The following CCSER1 variants were observed in gnomAD, a reference collection of about 807,000 sequenced individuals.
The protein encoded by CCSER1 is serine-rich coiled-coil domain-containing protein 1.
A neutral mutation model predicts 82.0 loss-of-function variants in CCSER1; 41 were observed. The ratio of observed to expected loss-of-function variants is 0.50; its 90% CI spans 0.39 to 0.65. CCSER1 has a LOEUF of 0.65. CCSER1 is among the 30% of genes least tolerant of loss of function. The probability of loss-of-function intolerance (pLI) is 0.00; values close to 1 mark genes in which losing one functional copy is unlikely to be tolerated. For missense variants in CCSER1, 1,119 were observed against 1,064.2 expected (o/e 1.05, Z -0.72); for synonymous variants, 414 against 383.9 (o/e 1.08, Z -0.92).
chr4:90,537,896 A>G (rs1230077661), intron 5 of CCSER1, among the ~76,000 whole-genome samples: 2 of 152,072 alleles, frequency 1.3e-5, no homozygotes, highest in African/African-American at 4.8e-5. Flanking sequence ...TCTCTTCTTT[A>G]TCATCCAGTA....
intron 10 of CCSER1, 100 bp downstream of exon 10, chr4:91,086,094 G>A (rs896479713): frequency 2.7e-6 from 2 of 735,918 alleles, no homozygotes; most frequent in African/African-American, 3.6e-5. Context: ...CGTTGATAAT[G>A]GAAATGGAGA....
At chr4:90,321,898 T>G (rs923240721) in intron 3 of CCSER1, among the ~76,000 whole-genome samples, 3 of 152,144 alleles carry the variant, frequency 2.0e-5, no homozygotes, top group Non-Finnish European at 4.4e-5. Context: ...TATTAATACC[T>G]TGTCAGATGG....
intron 6 of CCSER1, among the ~76,000 whole-genome samples, chr4:90,674,286 A>T (rs1478947426): frequency 6.6e-6 from 1 of 151,900 alleles, no homozygotes; most frequent in Non-Finnish European, 1.5e-5. Flanking sequence ...CAGAGGAATC[A>T]TTTACTCTTA....
chr4:90,894,849 A>G (rs1723477162), intron 8 of CCSER1, among the ~76,000 whole-genome samples: 1 of 151,968 alleles, frequency 6.6e-6, no homozygotes, highest in Non-Finnish European at 1.5e-5. Context: ...CAGTGCTCGG[A>G]ATTCAATGGG....
At chr4:90,863,516 C>T (rs1022522668) in intron 8 of CCSER1, among the ~76,000 whole-genome samples, 8 of 151,760 alleles carry the variant, frequency 5.3e-5, no homozygotes, top group African/African-American at 1.9e-4. Flanking sequence ...CTTTTCGTTT[C>T]CTTTATCCCT....
rs552535640 is a variant in CCSER1 at position 91,260,902 on chromosome 4, A to T, written c.2217+174908A>T. ...CAGCCTCCTGAGTAGCTGGGACTAC[A>T]GGCGCCCGCTACCACGCCAGGCTAA... On this transcript the variant is annotated intron_variant, in intron 10 of 10. Coordinates refer to ENST00000509176, the MANE Select transcript of CCSER1 (RefSeq NM_001145065.2). Among the ~76,000 whole-genome samples the T allele has an allele frequency of 3.3e-5, 5 of 152,170 alleles. No homozygotes were observed. The South Asian group carries it at 1.0e-3, about 32-fold the overall frequency.
intron 9 of CCSER1, among the ~76,000 whole-genome samples, chr4:91,081,586 T>G (rs1051162690): frequency 6.6e-6 from 1 of 151,890 alleles, no homozygotes; most frequent in African/African-American, 2.4e-5. Flanking sequence ...GAGAAAGAAA[T>G]AAAGGGTATT....
chr4:90,432,057 A>G (rs1007647735), intron 4 of CCSER1, among the ~76,000 whole-genome samples: 5 of 152,120 alleles, frequency 3.3e-5, no homozygotes, highest in Admixed American at 2.0e-4. Flanking sequence ...AATCTTGGGT[A>G]GTGCCAGAGA....
At chr4:90,182,370 G>A (rs1733881381) in intron 1 of CCSER1, among the ~76,000 whole-genome samples, 1 of 152,004 alleles carries the variant, frequency 6.6e-6, no homozygotes, top group African/African-American at 2.4e-5. Context: ...AAGCAAAATT[G>A]GTTCAATCAG....
At chr4:90,857,818 C>T (rs2149968417) in intron 8 of CCSER1, among the ~76,000 whole-genome samples, 2 of 152,150 alleles carry the variant, frequency 1.3e-5, no homozygotes, top group South Asian at 4.1e-4. Context: ...TAATGCACAA[C>T]ATATGGACTA....
chr4:91,023,691 A>G (rs1740224464), intron 9 of CCSER1, among the ~76,000 whole-genome samples: 1 of 152,196 alleles, frequency 6.6e-6, no homozygotes, highest in Non-Finnish European at 1.5e-5. Context: ...GTTAGACCTA[A>G]AACCATAAAA....
At chr4:90,721,821 A>T (rs1251826610) in intron 6 of CCSER1, among the ~76,000 whole-genome samples, 4 of 151,506 alleles carry the variant, frequency 2.6e-5, no homozygotes, top group African/African-American at 9.7e-5. Flanking sequence ...TGTATTTCTC[A>T]ACTTGATAAC....
chr4:91,288,141 T>C (rs901093027), intron 10 of CCSER1, among the ~76,000 whole-genome samples: 4 of 80,598 alleles, frequency 5.0e-5, no homozygotes, highest in African/African-American at 1.7e-4. Flanking sequence ...TATATATATA[T>C]ACACTCGTAT....
At chr4:91,177,933 C>T (rs1733575883) in intron 10 of CCSER1, among the ~76,000 whole-genome samples, 1 of 152,162 alleles carries the variant, frequency 6.6e-6, no homozygotes, top group Non-Finnish European at 1.5e-5. Flanking sequence ...TTCCTGCCTT[C>T]TGTTGTGGGC....
At chr4:91,511,060 C>G (rs2870325) in intron 10 of CCSER1, among the ~76,000 whole-genome samples, 2 of 151,930 alleles carry the variant, frequency 1.3e-5, no homozygotes, top group East Asian at 3.9e-4. Context: ...TGGTCAGTTA[C>G]TGCAGCAATA....
At chr4:91,144,748 G>C (rs898112072) in intron 10 of CCSER1, among the ~76,000 whole-genome samples, 1 of 151,482 alleles carries the variant, frequency 6.6e-6, no homozygotes, top group African/African-American at 2.4e-5. Context: ...AAGTTATTTA[G>C]TTTCTGTGTA....
intron 10 of CCSER1, among the ~76,000 whole-genome samples, chr4:91,268,699 G>A (rs1741801064): frequency 1.3e-5 from 2 of 152,150 alleles, no homozygotes; most frequent in South Asian, 4.1e-4. Flanking sequence ...TGGGTGGGTA[G>A]TGGAAAATTA....
chr4:91,064,628 C>A (rs12508066), intron 9 of CCSER1, among the ~76,000 whole-genome samples: 3 of 152,032 alleles, frequency 2.0e-5, no homozygotes, highest in Non-Finnish European at 4.4e-5. Context: ...TTCCAGACTC[C>A]CAGAAGGAAA....
chr4:91,211,492 T>C (rs1268474353), intron 10 of CCSER1, among the ~76,000 whole-genome samples: 1 of 152,100 alleles, frequency 6.6e-6, no homozygotes. Context: ...AAAAGTGTTC[T>C]GAAAATAATC....
Sources: gnomAD v4.1 joint callset for allele counts (sites outside exome capture counted in the v4.1 genomes callset) on GRCh38, gnomAD v4.1.1 for gene constraint, MANE v1.5 for transcripts, NCBI Gene and HGNC (gene_info 2026-07-23, HGNC 2026-07-21) for gene names.